The following AVEN variants were observed in gnomAD, a reference collection of about 807,000 sequenced individuals.
The protein encoded by AVEN is apoptosis and caspase activation inhibitor, also known as cell death regulator Aven.
AVEN carries 41 observed loss-of-function variants against 38.1 expected under a neutral mutation model. That is an observed-to-expected ratio of 1.08 (90% CI 0.84 to 1.40). The LOEUF is 1.40. AVEN is among the 40% of genes most tolerant of loss of function. AVEN has a pLI of 0.00. For synonymous variants in AVEN, 206 were observed against 171.8 expected (o/e 1.20, Z -1.56); for missense variants, 605 against 438.8 (o/e 1.38, Z -3.38).
At chr15:33,956,590 C>T (rs1427042698) in intron 2 of AVEN, among the ~76,000 whole-genome samples, 20 of 152,106 alleles carry the variant, frequency 1.3e-4, no homozygotes, top group Admixed American at 1.3e-3. Context: ...ATCCTATCTC[C>T]CCTGCCCACA....
intron 1 of AVEN, among the ~76,000 whole-genome samples, chr15:34,013,760 A>G (rs561397945): frequency 6.6e-6 from 1 of 152,286 alleles, no homozygotes; most frequent in East Asian, 1.9e-4. Context: ...GGAATGGGGG[A>G]CATCTTCAGG....
chr15:33,884,460 A>G (rs1399550661), intron 2 of AVEN, among the ~76,000 whole-genome samples: 3 of 152,170 alleles, frequency 2.0e-5, no homozygotes, highest in African/African-American at 7.2e-5. Flanking sequence ...TTAGTGAAAT[A>G]AAGGTGTCGT....
chr15:34,047,808 GC>G (rs1206730940), intron 5 of AVEN, among the ~76,000 whole-genome samples: 2 of 152,008 alleles, frequency 1.3e-5, no homozygotes, highest in Non-Finnish European at 2.9e-5. Flanking sequence ...GAGTGCAATG[GC>G]GCAATCTCGG....
chr15:33,886,887 T>A (rs1429932720), intron 2 of AVEN, among the ~76,000 whole-genome samples: 2 of 152,174 alleles, frequency 1.3e-5, no homozygotes, highest in Non-Finnish European at 2.9e-5. Flanking sequence ...GGGAGGCCCT[T>A]CTTGCCACAG....
Position 34,038,871 on chromosome 15 carries a change from A to C in AVEN, c.176T>G (p.Phe59Cys). ...GRRGRGRGRG[F>C]RGARGGRGGG... ...TCCTCGGCCTCCGCGAGCGCCGCGG[A>C]AGCCCCGGCCACGGCCACGGCCCCG... Residue 59 changes from phenylalanine to cysteine, a missense_variant, in exon 1 of 6, where the codon TTC (phenylalanine) becomes TGC (cysteine). By Grantham distance (205) the Phe-to-Cys change is radical. Transcript: ENST00000306730. The C allele has an allele frequency of 2.6e-6, 3 of 1,148,302 alleles. No homozygotes were observed. The highest frequency in any genetic ancestry group is 3.2e-6 in the Non-Finnish European group (3 of 938,338). 71.1% of individuals were successfully genotyped at this position (1,148,302 alleles called of 1,614,324 possible).
At chr15:34,073,604 TC>T (rs1192836051) in intron 1 of AVEN, among the ~76,000 whole-genome samples, 1 of 147,862 alleles carries the variant, frequency 6.8e-6, no homozygotes, top group African/African-American at 2.5e-5. Context: ...CACCACAACT[TC>T]CGCCTCCCGG....
At chr15:34,058,204 C>T (rs909354217) in intron 5 of AVEN, among the ~76,000 whole-genome samples, 10 of 152,158 alleles carry the variant, frequency 6.6e-5, no homozygotes, top group Admixed American at 3.3e-4. Context: ...CTACTGATTT[C>T]AGTATTAATC....
intron 3 of AVEN, among the ~76,000 whole-genome samples, chr15:33,873,422 T>G (rs1891082961): frequency 7.4e-6 from 1 of 135,154 alleles, no homozygotes. Flanking sequence ...CTTGCGTCAC[T>G]GGTCACACTG....
intron 2 of AVEN, among the ~76,000 whole-genome samples, chr15:33,928,778 G>C (rs1893728812): frequency 1.3e-5 from 2 of 152,158 alleles, no homozygotes; most frequent in African/African-American, 2.4e-5. Context: ...TCCCAGGCAG[G>C]AAGGGCCTTT....
downstream of AVEN, among the ~76,000 whole-genome samples, chr15:33,864,347 C>G (rs1018233395): frequency 2.0e-5 from 3 of 151,942 alleles, no homozygotes. Context: ...AGCCAAAGTC[C>G]TCCTGTTTAT....
At chr15:34,059,008 T>C (rs965154494) in intron 5 of AVEN, among the ~76,000 whole-genome samples, 4 of 152,202 alleles carry the variant, frequency 2.6e-5, no homozygotes, top group African/African-American at 9.6e-5. Flanking sequence ...GCAATTCTCC[T>C]GCCTCAACCT....
At chr15:33,994,455 A>C (rs941510315) in intron 2 of AVEN, among the ~76,000 whole-genome samples, 3 of 152,202 alleles carry the variant, frequency 2.0e-5, no homozygotes, top group African/African-American at 7.2e-5. Flanking sequence ...ATAATAATAG[A>C]AATAAAGCAC....
At chr15:33,961,149 C>T (rs2140469977) in intron 2 of AVEN, among the ~76,000 whole-genome samples, 1 of 152,168 alleles carries the variant, frequency 6.6e-6, no homozygotes, top group Admixed American at 6.5e-5. Context: ...TACAGGTACA[C>T]ACCATCATGC....
chr15:34,006,002 C>A (rs1897320593), intron 1 of AVEN, among the ~76,000 whole-genome samples: 1 of 152,042 alleles, frequency 6.6e-6, no homozygotes, highest in South Asian at 2.1e-4. Flanking sequence ...ATAACAAATA[C>A]CAGGAACATT....
chr15:33,853,647 A>G, the AVEN span: 1 of 1,614,000 alleles, frequency 6.2e-7, no homozygotes, highest in Non-Finnish European at 8.5e-7. Context: ...GCCCAGTAGA[A>G]GAGACCAAAG....
chr15:33,853,530 C>G, the AVEN span: 1 of 1,610,940 alleles, frequency 6.2e-7, no homozygotes, highest in Non-Finnish European at 8.5e-7. Flanking sequence ...GTGGCCTGAG[C>G]TCACCCTGTC....
intron 1 of AVEN, among the ~76,000 whole-genome samples, chr15:34,009,156 C>CA (rs1050237054): frequency 5.3e-5 from 8 of 151,940 alleles, no homozygotes; most frequent in African/African-American, 1.9e-4. Flanking sequence ...ATCCTACATA[C>CA]AAAAAAGCTA....
At chr15:33,907,365 G>A (rs776555599) in intron 2 of AVEN, among the ~76,000 whole-genome samples, 4 of 152,212 alleles carry the variant, frequency 2.6e-5, no homozygotes, top group Non-Finnish European at 5.9e-5. Context: ...ATTTCAAGGA[G>A]TATCTCAGAG....
chr15:34,046,631 C>CA (rs1899694787), intron 5 of AVEN: 1 of 152,152 alleles, frequency 6.6e-6, no homozygotes, highest in Non-Finnish European at 1.5e-5. Flanking sequence ...CAGAAATGTG[C>CA]AATTGTGAAA....
Sources: gnomAD v4.1 joint callset for allele counts (sites outside exome capture counted in the v4.1 genomes callset) on GRCh38, gnomAD v4.1.1 for gene constraint, MANE v1.5 for transcripts, NCBI Gene and HGNC (gene_info 2026-07-23, HGNC 2026-07-21) for gene names.